SHISA9: variants seen among roughly 807,000 people sequenced by gnomAD.
SHISA9 encodes the protein protein shisa-9.
Under a neutral mutation model 38.0 loss-of-function variants are expected in SHISA9, and 13 were observed. That is an observed-to-expected ratio of 0.34 (90% CI 0.22 to 0.54). SHISA9 has a LOEUF of 0.54. Among genes scored for constraint, SHISA9 ranks in the 20% least tolerant of loss-of-function variants. SHISA9 has a pLI of 0.91. For missense variants in SHISA9, 538 were observed against 575.8 expected (o/e 0.93, Z 0.67); for synonymous variants, 275 against 242.0 (o/e 1.14, Z -1.27).
chr16:13,158,181 G>T (rs2050563905), intron 2 of SHISA9, among the ~76,000 whole-genome samples: 1 of 152,176 alleles, frequency 6.6e-6, no homozygotes, highest in Non-Finnish European at 1.5e-5. Flanking sequence ...TCCTCTCAGA[G>T]CAGTGTAGCC....
intron 2 of SHISA9, among the ~76,000 whole-genome samples, chr16:13,181,751 AGG>A (rs751953455): frequency 9.2e-5 from 14 of 151,906 alleles, no homozygotes; most frequent in Non-Finnish European, 1.6e-4. Context: ...TCATCTAAAG[AGG>A]GGGTGATGGA....
chr16:12,972,038 AGTTTGT>A (rs1418019452), intron 2 of SHISA9, among the ~76,000 whole-genome samples: 6 of 65,018 alleles, frequency 9.2e-5, no homozygotes, highest in Admixed American at 5.2e-4. Flanking sequence ...GCTCTCTTGG[AGTTTGT>A]GTGTGTGTGT....
chr16:13,305,084 T>C, the SHISA9 span, among the ~76,000 whole-genome samples: 1 of 152,212 alleles, frequency 6.6e-6, no homozygotes, highest in Admixed American at 6.5e-5. Context: ...AATATTTGCA[T>C]ATACATAATG....
At chr16:12,960,139 G>GA (rs2071889803) in intron 2 of SHISA9, among the ~76,000 whole-genome samples, 2 of 152,094 alleles carry the variant, frequency 1.3e-5, no homozygotes, top group Admixed American at 6.5e-5. Context: ...ATGCAGCCTT[G>GA]AACCCTGGTT....
chr16:13,529,885 G>A, the SHISA9 span, among the ~76,000 whole-genome samples: 2 of 152,190 alleles, frequency 1.3e-5, no homozygotes, highest in Non-Finnish European at 2.9e-5. Flanking sequence ...TGATCTGGAG[G>A]AAATCCTATT....
At chr16:13,395,337 G>T in the SHISA9 span, among the ~76,000 whole-genome samples, 1 of 152,214 alleles carries the variant, frequency 6.6e-6, no homozygotes, top group Non-Finnish European at 1.5e-5. Flanking sequence ...AAGAAAGGTT[G>T]CCAATCTAAT....
At chr16:13,283,513 C>G in the SHISA9 span, among the ~76,000 whole-genome samples, 1 of 151,986 alleles carries the variant, frequency 6.6e-6, no homozygotes, top group Non-Finnish European at 1.5e-5. Context: ...TACATGGTGG[C>G]AGGGAAGAGA....
At chr16:13,183,266 A>G (rs2050792862) in intron 2 of SHISA9, among the ~76,000 whole-genome samples, 1 of 152,224 alleles carries the variant, frequency 6.6e-6, no homozygotes, top group African/African-American at 2.4e-5. Flanking sequence ...AGAGAGGGAG[A>G]TATTGTGATG....
rs774111296 is a variant in SHISA9, at chr16:13,235,113, G to C, written c.979G>C (p.Val327Leu). 1.9e-6 allele frequency: 3 copies of C among 1,551,612 alleles called. No homozygotes were observed. Among genetic ancestry groups the C allele is most frequent in the African/African-American group, 2.7e-5 (2 of 73,108 alleles). Residue 327 changes from valine (V) to leucine (L), a missense_variant, in exon 5 of 5, where the codon GTA (valine) becomes CTA (leucine). Val to Leu is a conservative substitution (Grantham distance 32). Transcript: ENST00000558583. ...AAKGNLPLHP[V>L]RVEDEPRAFS... ...CAAGGGGAACTTACCTCTGCACCCC[G>C]TAAGAGTGGAGGACGAGCCCCGGGC...
At chr16:12,916,852 G>A (rs2071265626) in intron 2 of SHISA9, 37 bp downstream of exon 2, 3 of 1,545,910 alleles carry the variant, frequency 1.9e-6, no homozygotes, top group African/African-American at 2.7e-5. Flanking sequence ...CAGTCCCATG[G>A]GGTGACCTGA....
chr16:13,478,179 C>G, the SHISA9 span, among the ~76,000 whole-genome samples: 2 of 152,168 alleles, frequency 1.3e-5, no homozygotes. Context: ...GACGGCATCT[C>G]ATGTCTGTGT....
Position 12,906,036 on chromosome 16 carries a change from C to T in SHISA9, c.563+3409C>T, listed in dbSNP as rs558501356. Among the ~76,000 whole-genome samples, 3 of 152,294 alleles carry T rather than the reference C, an allele frequency of 2.0e-5. No homozygotes were observed. The East Asian group carries it at 5.8e-4, about 29-fold the overall frequency. On this transcript the variant is annotated intron_variant, in intron 1 of 4. Transcript: ENST00000558583. Reference sequence around the variant, plus strand: ...TGGAGTCCCAGCTATGGCAACTGACCCAGTAGCCTTTGCCGGATTGTGCCA... The same window carrying T: ...TGGAGTCCCAGCTATGGCAACTGACTCAGTAGCCTTTGCCGGATTGTGCCA...
the SHISA9 span, among the ~76,000 whole-genome samples, chr16:13,302,180 G>A: frequency 6.6e-6 from 1 of 152,234 alleles, no homozygotes; most frequent in East Asian, 1.9e-4. Context: ...AACTTGGAAA[G>A]CCAGAAAACT....
chr16:12,966,518 G>C (rs576723653), intron 2 of SHISA9, among the ~76,000 whole-genome samples: 2 of 152,114 alleles, frequency 1.3e-5, no homozygotes, highest in Non-Finnish European at 2.9e-5. Flanking sequence ...GCCTCCCAAA[G>C]TGTTGTGATT....
At chr16:13,559,674 C>T in the SHISA9 span, among the ~76,000 whole-genome samples, 1 of 152,218 alleles carries the variant, frequency 6.6e-6, no homozygotes, top group African/African-American at 2.4e-5. Flanking sequence ...TGAGCCACCA[C>T]ATCCAGCTGA....
the SHISA9 span, among the ~76,000 whole-genome samples, chr16:13,496,449 T>A: frequency 6.6e-6 from 1 of 152,214 alleles, no homozygotes. Context: ...AAATAATTAT[T>A]TAGCCATCTC....
At chr16:13,018,664 A>G (rs2072785858) in intron 2 of SHISA9, among the ~76,000 whole-genome samples, 1 of 152,132 alleles carries the variant, frequency 6.6e-6, no homozygotes, top group Non-Finnish European at 1.5e-5. Flanking sequence ...AGCTGGTGAT[A>G]TTTCCAAAGC....
At chr16:13,208,869 A>G (rs1425425125) in intron 3 of SHISA9, among the ~76,000 whole-genome samples, 1 of 151,914 alleles carries the variant, frequency 6.6e-6, no homozygotes, top group Non-Finnish European at 1.5e-5. Context: ...CTTAGTAAGG[A>G]CTCCCAACAC....
chr16:13,367,710 GCGCACACACACACACA>G, the SHISA9 span, among the ~76,000 whole-genome samples: 1,460 of 90,556 alleles, frequency 0.016, 25 homozygotes, highest in African/African-American at 0.054. Context: ...GCGCGCGCGC[GCGCACACACACACACA>G]CACACACACA....
Sources: gnomAD v4.1 joint callset for allele counts (sites outside exome capture counted in the v4.1 genomes callset) on GRCh38, gnomAD v4.1.1 for gene constraint, MANE v1.5 for transcripts, NCBI Gene and HGNC (gene_info 2026-07-23, HGNC 2026-07-21) for gene names.